Variants in IREB2 observed in about 807,000 individuals in gnomAD.
IREB2 encodes the protein iron-responsive element-binding protein 2.
Under a neutral mutation model 118.8 loss-of-function variants are expected in IREB2, and 39 were observed. The observed-to-expected ratio is 0.33, with a 90% CI of 0.25 to 0.43. The LOEUF (loss-of-function observed/expected upper bound fraction) is 0.43, where lower values mean the gene tolerates loss of function less well. Among genes scored for constraint, IREB2 ranks in the 20% least tolerant of loss-of-function variants. IREB2 has a pLI of 1.00. For missense variants in IREB2, 900 were observed against 1,147.3 expected (o/e 0.78, Z 3.11); for synonymous variants, 372 against 392.2 (o/e 0.95, Z 0.61).
chr15:78,448,590 A>C (rs2656052), intron 2 of IREB2, among the ~76,000 whole-genome samples: 54,435 of 152,140 alleles, frequency 0.36, 10,113 homozygotes, highest in African/African-American at 0.44. Context: ...AGACAGAAAC[A>C]CTTACTTGAC....
chr15:78,447,084 C>A (rs996430514), intron 2 of IREB2, among the ~76,000 whole-genome samples: 1 of 152,000 alleles, frequency 6.6e-6, no homozygotes, highest in Admixed American at 6.6e-5. Flanking sequence ...AGATCAGACT[C>A]TTTGTTCCCT....
At chr15:78,478,766 A>C (rs1310580450) in intron 10 of IREB2, among the ~76,000 whole-genome samples, 1 of 152,200 alleles carries the variant, frequency 6.6e-6, no homozygotes, top group African/African-American at 2.4e-5. Context: ...TTTGAATCCC[A>C]GCTCTAAGAC....
At chr15:78,463,188 C>T (rs1210486001) in intron 3 of IREB2, 101 bp downstream of exon 3, 1 of 1,016,326 alleles carries the variant, frequency 9.8e-7, no homozygotes, top group South Asian at 1.8e-5. Flanking sequence ...CCTCTAATCC[C>T]AGTACTTTGG....
intron 10 of IREB2, among the ~76,000 whole-genome samples, chr15:78,480,773 G>A (rs1221344172): frequency 6.6e-6 from 1 of 151,768 alleles, no homozygotes; most frequent in Non-Finnish European, 1.5e-5. Context: ...ACTTTGGGAG[G>A]CCGAAACAGG....
At position 78,456,145 on chromosome 15, in the gene IREB2, C is replaced by T. The variant is rs571488943; in HGVS notation, c.107-6777C>T. ...CAGACAAGCAGAACTGATTTCAATA[C>T]AGATTATATGAGAGCATGACTATCA... On this transcript the variant is annotated intron_variant, in intron 2 of 21. Transcript: ENST00000258886. 1.2e-4 allele frequency among the ~76,000 whole-genome samples: 19 copies of T among 152,240 alleles called. No individual in the cohort carries two copies. The South Asian group carries it at 3.9e-3, about 32-fold the overall frequency.
intron 2 of IREB2, among the ~76,000 whole-genome samples, chr15:78,445,496 G>A (rs1326876238): frequency 5.9e-5 from 9 of 152,212 alleles, no homozygotes; most frequent in Admixed American, 5.9e-4. Flanking sequence ...GTAAAAAATA[G>A]GTTGCAGTTT....
At chr15:78,462,845 C>A in intron 2 of IREB2, 77 bp from the exon 3 acceptor site, 1 of 1,177,302 alleles carries the variant, frequency 8.5e-7, no homozygotes, top group Non-Finnish European at 1.2e-6. Context: ...CTTTGTCTAA[C>A]TTTTTGCTAT....
In IREB2 at chr15:78,438,418, A is replaced by T. The variant is rs972064192; in HGVS notation, c.19+62A>T. On this transcript the variant is annotated intron_variant, in intron 1 of 21. Transcript: ENST00000258886. ...GAAACGCGCGCTGCCTAGGCGCCGA[A>T]TTCCTTGCTTTTCTCGCCTGGAGTC... 3.2e-6 allele frequency: 5 copies of T among 1,557,280 alleles called. No homozygotes were observed. In the African/African-American group the frequency reaches 6.8e-5, roughly 21 times the overall value.
At chr15:78,449,307 C>T (rs888816892) in intron 2 of IREB2, among the ~76,000 whole-genome samples, 1 of 152,182 alleles carries the variant, frequency 6.6e-6, no homozygotes, top group Admixed American at 6.5e-5. Flanking sequence ...AACTAATTAC[C>T]GTTACCTACT....
rs199811748 is a variant in IREB2 at position 78,487,742 on chromosome 15, C to T, written c.1719C>T (p.Ile573=). Residue 573 remains isoleucine (I), a synonymous_variant, in exon 14 of 22, where the codon ATC becomes ATT. Transcript: ENST00000258886. ...LPYLSKLGFE[I]VGYGCSICVG... Reference sequence around the variant, plus strand: ...TTTTTTTGAAATGCAGATTTGAAATCGTTGGCTATGGATGTTCAATTTGTG... The same window carrying T: ...TTTTTTTGAAATGCAGATTTGAAATTGTTGGCTATGGATGTTCAATTTGTG... 1.8e-5 allele frequency: 29 copies of T among 1,592,716 alleles called. No homozygotes were observed. The East Asian group carries it at 3.8e-4, about 21-fold the overall frequency.
chr15:78,466,879 T>G (rs1196695103), intron 5 of IREB2, among the ~76,000 whole-genome samples: 1 of 152,158 alleles, frequency 6.6e-6, no homozygotes, highest in Admixed American at 6.5e-5. Context: ...TTTTTAACAT[T>G]TTTTTCCTAC....
intron 2 of IREB2, among the ~76,000 whole-genome samples, chr15:78,445,080 C>A (rs992633938): frequency 1.3e-5 from 2 of 152,010 alleles, no homozygotes; most frequent in Non-Finnish European, 2.9e-5. Flanking sequence ...TTTCCTCCAC[C>A]CCATCACACG....
At chr15:78,491,672 A>G (rs924097178) in intron 18 of IREB2, among the ~76,000 whole-genome samples, 1 of 151,956 alleles carries the variant, frequency 6.6e-6, no homozygotes, top group Non-Finnish European at 1.5e-5. Context: ...AAGTTTTTAT[A>G]TTTTTAGTAG....
chr15:78,447,356 A>C (rs2050948284), intron 2 of IREB2, among the ~76,000 whole-genome samples: 4 of 141,286 alleles, frequency 2.8e-5, no homozygotes, highest in Admixed American at 7.1e-5. Flanking sequence ...TTTGAGACGG[A>C]CTCTTGCTCT....
rs1566998769 is a variant in IREB2 at position 78,494,063 on chromosome 15, A to G, written c.2472+7A>G. On this transcript the variant is annotated splice_region_variant and intron_variant, in intron 19 of 21. Transcript: ENST00000258886. The stretch of plus-strand genomic sequence containing the variant: ...TTTTCCATCAGGACAGACGGTGAGA[A>G]TGCAAACAAAGTATTTAGACAATTT... The G allele has an allele frequency of 1.9e-6, 3 of 1,613,888 alleles. No individual in the cohort carries two copies. The Middle Eastern group carries it at 4.9e-4, about 266-fold the overall frequency.
At chr15:78,447,290 T>A (rs2050946628) in intron 2 of IREB2, among the ~76,000 whole-genome samples, 1 of 150,638 alleles carries the variant, frequency 6.6e-6, no homozygotes, top group Non-Finnish European at 1.5e-5. Context: ...AATCCTCCCA[T>A]CTCAGCCTCC....
chr15:78,483,178 G>A (rs77045633), intron 10 of IREB2, 140 bp from the exon 11 acceptor site: 132 of 508,268 alleles, frequency 2.6e-4, no homozygotes, highest in African/African-American at 2.1e-3. Flanking sequence ...TGGGGTTGAG[G>A]GTGTATTATA....
chr15:78,456,383 G>T (rs1355362188), intron 2 of IREB2, among the ~76,000 whole-genome samples: 1 of 152,224 alleles, frequency 6.6e-6, no homozygotes, highest in African/African-American at 2.4e-5. Flanking sequence ...GTGGGACCAG[G>T]TGTGGTGGCT....
chr15:78,462,894 T>C, intron 2 of IREB2, 28 bp from the exon 3 acceptor site: 1 of 1,537,312 alleles, frequency 6.5e-7, no homozygotes, highest in Non-Finnish European at 8.8e-7. Context: ...ACTGTTTGCT[T>C]ATTAATAGTA....
Sources: gnomAD v4.1 joint callset for allele counts (sites outside exome capture counted in the v4.1 genomes callset) on GRCh38, gnomAD v4.1.1 for gene constraint, MANE v1.5 for transcripts, NCBI Gene and HGNC (gene_info 2026-07-23, HGNC 2026-07-21) for gene names.